Variants in HIP1 observed in about 807,000 individuals in gnomAD.
The protein encoded by HIP1 is huntingtin interacting protein 1.
HIP1 carries 65 observed loss-of-function variants against 147.6 expected under a neutral mutation model. The observed-to-expected ratio is 0.44, with a 90% CI of 0.36 to 0.54. The LOEUF is 0.54. Among genes scored for constraint, HIP1 ranks in the 20% least tolerant of loss-of-function variants. The pLI is 0.00. For missense variants in HIP1, 1,061 were observed against 1,299.6 expected (o/e 0.82, Z 2.82); for synonymous variants, 479 against 504.0 (o/e 0.95, Z 0.67).
intron 1 of HIP1, among the ~76,000 whole-genome samples, chr7:75,680,811 T>C (rs1323603007): frequency 6.6e-6 from 1 of 152,060 alleles, no homozygotes; most frequent in Non-Finnish European, 1.5e-5. Context: ...AGTCTTGCTC[T>C]GTCGCCCAGG....
In HIP1 at chr7:75,553,532, A is replaced by G; in HGVS notation, c.2216T>C (p.Leu739Pro). 1.2e-6 allele frequency: 2 copies of G among 1,614,080 alleles called. No individual in the cohort carries two copies. The highest frequency in any genetic ancestry group is 2.2e-5 in the East Asian group (1 of 44,876). Residue 739 changes from leucine (L) to proline (P), a missense_variant, in exon 22 of 31, where the codon CTG (leucine) becomes CCG (proline). Physicochemically the swap from Leu to Pro is moderately conservative, Grantham distance 98. Around this residue, in one of 3 missense-constraint regions of HIP1, gnomAD observed 810 missense variants for 946.8 expected, o/e 0.86. Transcript: ENST00000336926. Reference protein sequence around the residue: ...GRETLAYLASLEEEGSLENAD... With the variant: ...GRETLAYLASPEEEGSLENAD... ...ATTCTCAAGGCTTCCCTCTTCCTCC[A>G]GGGAGGCCAGGTAGGCGAGGGTTTC...
chr7:75,579,949 A>G (rs934507961), intron 7 of HIP1, among the ~76,000 whole-genome samples: 16 of 152,128 alleles, frequency 1.1e-4, no homozygotes, highest in African/African-American at 3.6e-4. Context: ...TACATCCCCC[A>G]GGGAAAGGAG....
At chr7:75,576,560 A>T (rs1284592551) in intron 7 of HIP1, among the ~76,000 whole-genome samples, 1 of 152,068 alleles carries the variant, frequency 6.6e-6, no homozygotes, top group East Asian at 1.9e-4. Context: ...CATCTCTACT[A>T]AAAATACAAA....
chr7:75,675,484 G>A (rs987180874), intron 1 of HIP1, among the ~76,000 whole-genome samples: 2 of 152,152 alleles, frequency 1.3e-5, no homozygotes, highest in Non-Finnish European at 1.5e-5. Flanking sequence ...TCCCAGGCAT[G>A]AGCCACTGTG....
At position 75,677,603 on chromosome 7, in the gene HIP1, T is replaced by TA. The variant is rs60860713; in HGVS notation, c.120+61197dup. 7.1e-3 allele frequency among the ~76,000 whole-genome samples: 667 copies of TA among 94,478 alleles called. 4 individuals are homozygous for TA. The highest frequency in any genetic ancestry group is 0.011 in the Non-Finnish European group (554 of 49,856). 62.0% of individuals were successfully genotyped at this position (94,478 alleles called of 152,430 possible). ...CTGGGCAACAGTGCAAGACTCCATC[T>TA]AAAAAAAAAAAAAAAAAAAAAAGAC... On this transcript the variant is annotated intron_variant, in intron 1 of 30. Transcript: ENST00000336926.
chr7:75,694,414 T>C (rs1800564040), intron 1 of HIP1, among the ~76,000 whole-genome samples: 2 of 152,068 alleles, frequency 1.3e-5, no homozygotes, highest in African/African-American at 4.8e-5. Flanking sequence ...CTTACCTCTA[T>C]TGTCTGTTTT....
chr7:75,579,173 G>C (rs1554498176), intron 7 of HIP1, among the ~76,000 whole-genome samples: 1 of 151,910 alleles, frequency 6.6e-6, no homozygotes, highest in Non-Finnish European at 1.5e-5. Context: ...AGTCTGACTG[G>C]GAATAGCTTA....
intron 6 of HIP1, 88 bp from the exon 7 acceptor site, chr7:75,581,386 G>A: frequency 1.1e-6 from 1 of 917,880 alleles, no homozygotes; most frequent in Non-Finnish European, 1.8e-6. Flanking sequence ...CGCTACTCCA[G>A]TCTCCAATGC....
intron 22 of HIP1, 140 bp from the exon 23 acceptor site, chr7:75,549,141 TC>T: frequency 1.7e-6 from 1 of 591,524 alleles, no homozygotes; most frequent in Non-Finnish European, 3.0e-6. Flanking sequence ...TGTGGGGGGG[TC>T]TTTTGCAGAC....
At chr7:75,655,224 A>C (rs1272559477) in intron 1 of HIP1, among the ~76,000 whole-genome samples, 1 of 152,170 alleles carries the variant, frequency 6.6e-6, no homozygotes, top group African/African-American at 2.4e-5. Flanking sequence ...ATAGAAAGGA[A>C]TGAGGTTCTG....
chr7:75,536,671 C>T lies in HIP1; in HGVS notation c.*1501G>A, dbSNP rs1454594651. 9 of 229,048 alleles carry T rather than the reference C, an allele frequency of 3.9e-5. No individual in the cohort carries two copies. Among genetic ancestry groups the T allele is most frequent in the Non-Finnish European group, 7.8e-5 (9 of 115,608 alleles). 14.2% of individuals were successfully genotyped at this position (229,048 alleles called of 1,614,324 possible). On this transcript the variant is annotated 3_prime_UTR_variant, in exon 31 of 31. Transcript: ENST00000336926. ...GGCATGTGGCTGAAAGGAGTTGGAGCCGCTGGCTCTGTCCTTTCTCATTTT... is the reference window on the plus strand; with the variant it reads ...GGCATGTGGCTGAAAGGAGTTGGAGTCGCTGGCTCTGTCCTTTCTCATTTT...
intron 1 of HIP1, among the ~76,000 whole-genome samples, chr7:75,621,829 A>G (rs1311749110): frequency 6.6e-6 from 1 of 152,174 alleles, no homozygotes; most frequent in African/African-American, 2.4e-5. Flanking sequence ...GAACATCGTG[A>G]TGATTTGCCT....
Position 75,731,633 on chromosome 7 carries a change from C to T in HIP1, c.120+7168G>A, listed in dbSNP as rs536254199. 3.9e-5 allele frequency among the ~76,000 whole-genome samples: 6 copies of T among 152,138 alleles called. No individual in the cohort carries two copies. The South Asian group carries it at 6.2e-4, about 16-fold the overall frequency. On this transcript the variant is annotated intron_variant, in intron 1 of 30. Transcript: ENST00000336926. ...TGCTCCAGAAGCAGAAGGGGTGGGG[C>T]GCCAGGTTCAAGGCTCAGGGTGCTA...
At chr7:75,586,977 G>A (rs1288669024) in intron 4 of HIP1, 144 bp from the exon 5 acceptor site, 8 of 631,882 alleles carry the variant, frequency 1.3e-5, no homozygotes, top group South Asian at 3.5e-5. Context: ...GTCTAGCTCT[G>A]TTGCCCAGGC....
Position 75,536,923 on chromosome 7 carries a change from G to C in HIP1, c.*1249C>G, listed in dbSNP as rs1305038239. 2 of 231,066 alleles carry C rather than the reference G, an allele frequency of 8.7e-6. No individual in the cohort carries two copies. Among genetic ancestry groups the C allele is most frequent in the Non-Finnish European group, 1.7e-5 (2 of 116,744 alleles). The allele number at this position is 231,066 out of a possible 1,614,324, so 14.3% of individuals were successfully genotyped here. A position where few individuals can be genotyped will look rare whatever the true frequency, so the allele number is the denominator to read the frequency against. On this transcript the variant is annotated 3_prime_UTR_variant, in exon 31 of 31. Coordinates refer to ENST00000336926, the MANE Select transcript of HIP1 (RefSeq NM_005338.7). ...TACTAAGGGTAGCAAACCAAGTATAGGGTTCTTCCCTGATGGGAGCAATTG... is the reference window on the plus strand; with the variant it reads ...TACTAAGGGTAGCAAACCAAGTATACGGTTCTTCCCTGATGGGAGCAATTG...
At chr7:75,575,964 T>G (rs1795833615) in intron 7 of HIP1, among the ~76,000 whole-genome samples, 1 of 151,934 alleles carries the variant, frequency 6.6e-6, no homozygotes, top group Non-Finnish European at 1.5e-5. Flanking sequence ...GCTTTTCTTC[T>G]TGACACAAAT....
chr7:75,561,875 G>A (rs1318176878), intron 12 of HIP1, among the ~76,000 whole-genome samples, 198 bp downstream of exon 12: 1 of 152,038 alleles, frequency 6.6e-6, no homozygotes, highest in Non-Finnish European at 1.5e-5. Flanking sequence ...TTAAACTCCT[G>A]GCCTTAAAAA....
At position 75,536,720 on chromosome 7, in the gene HIP1, A is replaced by G. The variant is rs1554488736; in HGVS notation, c.*1452T>C. ...TTCTCTGACCCAAGAGCTCCAAATG[A>G]TCTCCTTGCTTTGGGATCCAAGTCA... On this transcript the variant is annotated 3_prime_UTR_variant, in exon 31 of 31. Coordinates refer to ENST00000336926, the MANE Select transcript of HIP1 (RefSeq NM_005338.7). 4.4e-6 allele frequency: 1 copy of G among 228,022 alleles called. No homozygotes were observed. Among genetic ancestry groups the G allele is most frequent in the East Asian group, 6.3e-5 (1 of 15,920 alleles). 14.1% of individuals were successfully genotyped at this position (228,022 alleles called of 1,614,324 possible). A position where few individuals can be genotyped will look rare whatever the true frequency, so the allele number is the denominator to read the frequency against.
chr7:75,615,515 G>A (rs1554505810), intron 1 of HIP1, among the ~76,000 whole-genome samples: 2 of 151,642 alleles, frequency 1.3e-5, no homozygotes, highest in African/African-American at 4.8e-5. Flanking sequence ...CTGTGCCACT[G>A]CACTCTATCA....
Sources: allele counts gnomAD v4.1 joint callset (sites outside exome capture counted in the v4.1 genomes callset), GRCh38; gene constraint gnomAD v4.1.1; regional missense constraint gnomAD v4.1.1; transcripts MANE v1.5; gene names NCBI Gene and HGNC (gene_info 2026-07-23, HGNC 2026-07-21).